The following CNTN5 variants were observed in gnomAD, a reference collection of about 807,000 sequenced individuals.
The protein encoded by CNTN5 is contactin-5.
CNTN5 carries 77 observed loss-of-function variants against 129.1 expected under a neutral mutation model. The observed-to-expected ratio is 0.60, with a 90% confidence interval of 0.50 to 0.72. CNTN5 has a LOEUF of 0.72. Ranked by LOEUF, CNTN5 falls within the 30% of genes least tolerant of loss-of-function variation. The pLI, the probability that CNTN5 is intolerant of heterozygous loss-of-function variation, is 0.00. For missense variants in CNTN5, 1,478 were observed against 1,328.8 expected, an observed-to-expected ratio of 1.11 and a Z score of -1.75; for synonymous variants, 509 against 465.6, an observed-to-expected ratio of 1.09 and a Z score of -1.20.
chr11:99,152,763 G>A (rs551911930), intron 1 of CNTN5, among the ~76,000 whole-genome samples: 28 of 152,298 alleles, frequency 1.8e-4, no homozygotes, highest in Admixed American at 3.9e-4. Context: ...ACTTAAATGT[G>A]TTTCTGTGGT....
chr11:99,542,180 T>C (rs1948140551), intron 2 of CNTN5, among the ~76,000 whole-genome samples: 2 of 152,156 alleles, frequency 1.3e-5, no homozygotes, highest in African/African-American at 4.8e-5. Context: ...AACTTCTTTG[T>C]AGTAAGAACA....
chr11:99,369,217 A>ATT (rs148741904), intron 2 of CNTN5, among the ~76,000 whole-genome samples: 3 of 135,734 alleles, frequency 2.2e-5, no homozygotes, highest in Non-Finnish European at 4.7e-5. Context: ...TATTATATAT[A>ATT]ATATATATAT....
chr11:100,218,106 G>A (rs1949183124), intron 15 of CNTN5, among the ~76,000 whole-genome samples: 1 of 152,178 alleles, frequency 6.6e-6, no homozygotes, highest in Non-Finnish European at 1.5e-5. Flanking sequence ...ATGCGTCAAT[G>A]AGCTTTGTAT....
intron 1 of CNTN5, among the ~76,000 whole-genome samples, chr11:99,284,468 T>G (rs994952437): frequency 6.6e-6 from 1 of 152,086 alleles, no homozygotes; most frequent in Non-Finnish European, 1.5e-5. Context: ...ACCTTGTAAA[T>G]TTTCTTATTT....
chr11:100,243,028 G>T (rs1450085653), intron 16 of CNTN5, among the ~76,000 whole-genome samples: 1 of 152,124 alleles, frequency 6.6e-6, no homozygotes, highest in Non-Finnish European at 1.5e-5. Context: ...GGGTTTTTAG[G>T]AATTCCCTTT....
chr11:99,653,262 A>G (rs755054160), intron 3 of CNTN5, among the ~76,000 whole-genome samples: 1 of 151,928 alleles, frequency 6.6e-6, no homozygotes, highest in Non-Finnish European at 1.5e-5. Flanking sequence ...TGTCTCTTTC[A>G]TTTTCCCAAA....
intron 6 of CNTN5, among the ~76,000 whole-genome samples, chr11:99,858,812 G>A (rs1948120673): frequency 1.3e-5 from 2 of 151,494 alleles, no homozygotes; most frequent in Admixed American, 1.3e-4. Context: ...TTTTAAAAAT[G>A]TCAGACATTT....
intron 3 of CNTN5, among the ~76,000 whole-genome samples, chr11:99,561,740 A>C (rs1222556316): frequency 6.0e-3 from 3 of 500 alleles, no homozygotes; most frequent in African/African-American, 6.4e-3. Context: ...TTTCGAAGTC[A>C]TCAAAACTTA....
intron 1 of CNTN5, among the ~76,000 whole-genome samples, chr11:99,196,193 A>G (rs1245474138): frequency 6.6e-6 from 1 of 151,960 alleles, no homozygotes; most frequent in Non-Finnish European, 1.5e-5. Flanking sequence ...TAAAACAATA[A>G]TTAAACAACA....
At chr11:99,363,337 A>C (rs1024508296) in intron 2 of CNTN5, among the ~76,000 whole-genome samples, 1 of 152,206 alleles carries the variant, frequency 6.6e-6, no homozygotes, top group African/African-American at 2.4e-5. Flanking sequence ...AATAAAATGT[A>C]GAATCTGACA....
At chr11:100,307,598 G>A (rs1044286993) in intron 20 of CNTN5, among the ~76,000 whole-genome samples, 15 of 151,464 alleles carry the variant, frequency 9.9e-5, no homozygotes, top group African/African-American at 3.1e-4. Context: ...TGAACCCTTC[G>A]GGGACTTTTC....
chr11:99,873,103 A>G (rs1245431869), intron 6 of CNTN5, among the ~76,000 whole-genome samples: 2 of 149,274 alleles, frequency 1.3e-5, no homozygotes, highest in South Asian at 2.1e-4. Context: ...CCACCCAGGC[A>G]GGAGCTAGAA....
chr11:99,185,239 C>T (rs962382986), intron 1 of CNTN5, among the ~76,000 whole-genome samples: 20 of 151,438 alleles, frequency 1.3e-4, no homozygotes, highest in Non-Finnish European at 3.0e-4. Context: ...GATGAGGTGC[C>T]ATGAGACTTA....
Position 99,862,897 on chromosome 11 carries a change from AATG to A in CNTN5, c.577+17641_577+17643del, listed in dbSNP as rs535544742. 2.8e-4 allele frequency among the ~76,000 whole-genome samples: 43 copies of A among 152,278 alleles called. No individual in the cohort carries two copies. In the South Asian group the frequency reaches 8.9e-3, roughly 32 times the overall value. ...CATGTAACCTTCATTAATTTACATT[AATG>A]ATGATAAATTGTGAGAAGTCGATCT... On this transcript the variant is annotated intron_variant, in intron 6 of 24. Coordinates refer to ENST00000524871, the MANE Select transcript of CNTN5 (RefSeq NM_014361.4).
chr11:99,752,878 A>G (rs1944280189), intron 3 of CNTN5, among the ~76,000 whole-genome samples: 1 of 152,228 alleles, frequency 6.6e-6, no homozygotes, highest in African/African-American at 2.4e-5. Flanking sequence ...AGAGTGCAGC[A>G]TGAGGTCACA....
chr11:99,692,352 G>C (rs1335691761), intron 3 of CNTN5, among the ~76,000 whole-genome samples: 1 of 152,090 alleles, frequency 6.6e-6, no homozygotes, highest in Non-Finnish European at 1.5e-5. Flanking sequence ...ATGTATTTCA[G>C]TGTGTTTTTG....
At chr11:99,842,752 C>T (rs1565594206) in intron 4 of CNTN5, among the ~76,000 whole-genome samples, 1 of 151,900 alleles carries the variant, frequency 6.6e-6, no homozygotes, top group Non-Finnish European at 1.5e-5. Context: ...AGAAGTTTTC[C>T]AATTTTTTAT....
At chr11:100,049,386 T>C (rs1186184283) in intron 9 of CNTN5, among the ~76,000 whole-genome samples, 1 of 151,950 alleles carries the variant, frequency 6.6e-6, no homozygotes, top group African/African-American at 2.4e-5. Context: ...AAGGCTGTAT[T>C]AAATAAACTA....
intron 3 of CNTN5, among the ~76,000 whole-genome samples, chr11:99,772,195 T>G (rs933309877): frequency 6.6e-6 from 1 of 151,880 alleles, no homozygotes; most frequent in Admixed American, 6.6e-5. Context: ...AGACACTGTT[T>G]TAGTCATTGA....
Sources: gnomAD v4.1 joint callset for allele counts (sites outside exome capture counted in the v4.1 genomes callset) on GRCh38, gnomAD v4.1.1 for gene constraint, MANE v1.5 for transcripts, NCBI Gene and HGNC (gene_info 2026-07-23, HGNC 2026-07-21) for gene names.